MACF1: variants seen among roughly 807,000 people sequenced by gnomAD.
MACF1 encodes the protein microtubule-actin cross-linking factor 1.
A neutral mutation model predicts 854.8 loss-of-function variants in MACF1; 193 were observed. That is an observed-to-expected ratio of 0.23 (90% CI 0.20 to 0.25). MACF1 has a LOEUF of 0.25. Ranked by LOEUF, MACF1 falls within the 10% of genes least tolerant of loss-of-function variation. The pLI is 1.00. For synonymous variants in MACF1, 3,185 were observed against 3,226.7 expected (o/e 0.99, Z 0.44); for missense variants, 7,722 against 8,929.1 (o/e 0.86, Z 5.45).
chr1:39,448,640 C>G lies in MACF1; in HGVS notation c.20135C>G (p.Thr6712Arg), dbSNP rs749481091. ...GGCAAGCAGCCTGTGTATGATACCACAATTAGAACTGGCAGAGCACTGAAA... is the reference window on the plus strand; with the variant it reads ...GGCAAGCAGCCTGTGTATGATACCAGAATTAGAACTGGCAGAGCACTGAAA... Reference protein sequence around the residue: ...LGGKQPVYDTTIRTGRALKEK... With the variant: ...LGGKQPVYDTRIRTGRALKEK... Residue 6712 changes from threonine to arginine, a missense_variant, in exon 84 of 101, where the codon ACA becomes AGA. This residue lies in a region of MACF1 where 729 missense variants were observed against 900.5 expected (regional missense o/e 0.81). Transcript: ENST00000564288. 1 of 1,611,696 alleles carries G rather than the reference C, an allele frequency of 6.2e-7. No homozygotes were observed. The highest frequency in any genetic ancestry group is 1.1e-5 in the South Asian group (1 of 90,754).
intron 2 of MACF1, among the ~76,000 whole-genome samples, chr1:39,093,305 C>CTTTT (rs34921076): frequency 7.4e-5 from 4 of 54,172 alleles, no homozygotes; most frequent in Admixed American, 3.2e-4. Context: ...TACTCCACTT[C>CTTTT]TTTTTTTTTT....
In MACF1 at chr1:39,460,041, CT is replaced by C. The variant is rs1214871464; in HGVS notation, c.21361-590del. ...TTGTCTTGCCCACTGCATAGGCCTG[CT>C]GTTTTCCATCAAGGCCAAATATTTA... On this transcript the variant is annotated intron_variant, in intron 91 of 100. Coordinates refer to ENST00000564288, the MANE Select transcript of MACF1 (RefSeq NM_001394062.1). The surrounding 1 kb of genome is among the most constrained non-coding windows in gnomAD (Gnocchi z 4.1). Among the ~76,000 whole-genome samples, 3 of 152,190 alleles carry C rather than the reference CT, an allele frequency of 2.0e-5. No individual in the cohort carries two copies. The highest frequency in any genetic ancestry group is 2.9e-5 in the Non-Finnish European group (2 of 68,036).
At chr1:39,155,824 A>G (rs1571110424) in intron 2 of MACF1, among the ~76,000 whole-genome samples, 1 of 151,944 alleles carries the variant, frequency 6.6e-6, no homozygotes, top group Non-Finnish European at 1.5e-5. Flanking sequence ...GTTTCAAGCA[A>G]TTCTCCTGCC....
intron 95 of MACF1, 84 bp downstream of exon 95, chr1:39,465,196 G>A (rs890415372): frequency 1.1e-4 from 147 of 1,371,742 alleles, no homozygotes; most frequent in East Asian, 5.0e-4. Flanking sequence ...ATGGGGAGAG[G>A]ATGTAATCTG....
At position 39,432,536 on chromosome 1, in the gene MACF1, A is replaced by G. The variant is rs759526053; in HGVS notation, c.17339A>G (p.Tyr5780Cys). The G allele has an allele frequency of 1.2e-6, 2 of 1,613,998 alleles. No homozygotes were observed. The highest frequency in any genetic ancestry group is 1.7e-5 in the Admixed American group (1 of 59,996). ...ATTTTTCTTTAATACGTCTATTAGT[A>G]TGAGCAAGCTGCCGATGCAGAACTA... ...IDAAIQRSQQ[Y>C]EQAADAELAW... The change falls in exon 67 of 101, where the codon TAT becomes TGT. Residue 5780 changes from tyrosine to cysteine, a missense_variant and splice_region_variant. Transcript: ENST00000564288.
chr1:39,244,567 C>T (rs1042985787), intron 2 of MACF1, among the ~76,000 whole-genome samples: 34 of 151,002 alleles, frequency 2.3e-4, no homozygotes, highest in South Asian at 2.1e-4. Context: ...AGGTGTGAGC[C>T]ACTGCACCCA....
intron 58 of MACF1, among the ~76,000 whole-genome samples, chr1:39,419,306 A>G (rs142809531): frequency 9.2e-5 from 14 of 152,376 alleles, no homozygotes; most frequent in African/African-American, 3.4e-4. Context: ...TAATGCTTCT[A>G]TAGGAAATGT....
At chr1:39,237,169 T>C (rs558182735) in intron 2 of MACF1, among the ~76,000 whole-genome samples, 1 of 152,342 alleles carries the variant, frequency 6.6e-6, no homozygotes, top group African/African-American at 2.4e-5. Flanking sequence ...TCCTTGCTTA[T>C]TTATTTCTCT....
At chr1:39,463,714 T>C (rs1015385798) in intron 94 of MACF1, 28 bp downstream of exon 94, 23 of 1,597,592 alleles carry the variant, frequency 1.4e-5, no homozygotes, top group African/African-American at 9.4e-5. Flanking sequence ...CAGTCCTTTG[T>C]TGTGGTGGTT....
chr1:39,235,843 T>G (rs1290873011), intron 2 of MACF1, among the ~76,000 whole-genome samples: 1 of 152,180 alleles, frequency 6.6e-6, no homozygotes, highest in Non-Finnish European at 1.5e-5. Context: ...CAAGTGATCC[T>G]CCCACCACAG....
chr1:39,211,806 G>A (rs900806133), intron 1 of MACF1, among the ~76,000 whole-genome samples: 3 of 151,890 alleles, frequency 2.0e-5, no homozygotes, highest in African/African-American at 4.8e-5. Flanking sequence ...GCTTGAACCC[G>A]AGAGGCAGAG....
At chr1:39,238,978 G>A (rs886692747) in intron 2 of MACF1, among the ~76,000 whole-genome samples, 1 of 152,076 alleles carries the variant, frequency 6.6e-6, no homozygotes, top group Non-Finnish European at 1.5e-5. Context: ...GTAGACCAAC[G>A]TAAGGACAAA....
chr1:39,234,728 A>C (rs1571205610), intron 2 of MACF1, among the ~76,000 whole-genome samples: 1 of 122,058 alleles, frequency 8.2e-6, no homozygotes, highest in Non-Finnish European at 1.7e-5. Context: ...TGCCGGGCGG[A>C]GGGGCTCCTC....
Position 39,372,501 on chromosome 1 carries a change from G to C in MACF1, c.13118G>C (p.Ser4373Thr). The change falls in exon 52 of 101, where the codon AGT (serine) becomes ACT (threonine). Residue 4373 changes from serine to threonine, a missense_variant. Physicochemically the swap from Ser to Thr is moderately conservative, Grantham distance 58. This residue lies in a region of MACF1 where 2,807 missense variants were observed against 3,235.8 expected (regional missense o/e 0.87). Transcript: ENST00000564288. ...HLKSLLDDWA[S>T]KGTLVEEINC... ...CAGAGTCTACTAGATGACTGGGCAAGTAAGGGAACTCTGGTGGAAGAAATC... is the reference window on the plus strand; with the variant it reads ...CAGAGTCTACTAGATGACTGGGCAACTAAGGGAACTCTGGTGGAAGAAATC... The C allele has an allele frequency of 6.2e-7, 1 of 1,613,134 alleles. No homozygotes were observed. Among genetic ancestry groups the C allele is most frequent in the Non-Finnish European group, 8.5e-7 (1 of 1,179,242 alleles).
chr1:39,284,137 A>G lies in MACF1; in HGVS notation c.987A>G (p.Thr329=), dbSNP rs764891797. 6.2e-7 allele frequency: 1 copy of G among 1,614,078 alleles called. No homozygotes were observed. Among genetic ancestry groups the G allele is most frequent in the Non-Finnish European group, 8.5e-7 (1 of 1,179,978 alleles). The change falls in exon 10 of 101, where the codon ACA becomes ACG. Residue 329 remains threonine, a synonymous_variant. Coordinates refer to ENST00000564288, the MANE Select transcript of MACF1 (RefSeq NM_001394062.1). ...TCATTCCCTGGATCAAACAGCATAC[A>G]ATACTGATGTCAGATAAAACTTTTC... ...DSLIPWIKQH[T]ILMSDKTFPQ...
intron 1 of MACF1, among the ~76,000 whole-genome samples, chr1:39,213,364 C>T (rs1644538435): frequency 6.6e-6 from 1 of 152,026 alleles, no homozygotes; most frequent in African/African-American, 2.4e-5. Context: ...GAGAGTCTCG[C>T]TCTGTGGCCC....
rs1194550147 is a variant in MACF1, at chr1:39,427,565, C to T, written c.16427C>T (p.Pro5476Leu). The T allele has an allele frequency of 1.9e-6, 3 of 1,614,070 alleles. No homozygotes were observed. Among genetic ancestry groups the T allele is most frequent in the Admixed American group, 3.3e-5 (2 of 60,002 alleles). ...VTEKKLANSE[P>L]VGTQTAKIQQ... is the part of the protein sequence containing the mutation. The stretch of plus-strand genomic sequence containing the variant: ...GAGAAAAAGCTTGCTAACTCAGAAC[C>T]TGTTGGCACTCAGACTGCCAAAATA... Residue 5476 changes from proline (P) to leucine (L), a missense_variant, in exon 62 of 101, where the codon CCT becomes CTT. By Grantham distance (98) the Pro-to-Leu change is moderately conservative. This residue lies in a region of MACF1 where 2,807 missense variants were observed against 3,235.8 expected (regional missense o/e 0.87). Coordinates refer to ENST00000564288, the MANE Select transcript of MACF1 (RefSeq NM_001394062.1).
At chr1:39,442,679 C>T (rs745704705) in intron 77 of MACF1, 35 bp from the exon 78 acceptor site, 1 of 1,610,858 alleles carries the variant, frequency 6.2e-7, no homozygotes, top group Non-Finnish European at 8.5e-7. Context: ...AGATGATATC[C>T]ATAGAGATAA....
rs1422975810 is a variant in MACF1, at chr1:39,459,282, A to G, written c.21360+33A>G. On this transcript the variant is annotated intron_variant, in intron 91 of 100. Coordinates refer to ENST00000564288, the MANE Select transcript of MACF1 (RefSeq NM_001394062.1). ...CCTGCTGAGTGGCCTTCCCTGAAAC[A>G]AAGTGCTTTTTTCAATCAAAACACA... 4 of 1,583,044 alleles carry G rather than the reference A, an allele frequency of 2.5e-6. No homozygotes were observed. The African/African-American group carries it at 5.4e-5, about 21-fold the overall frequency.
Sources: gnomAD v4.1 joint callset for allele counts (sites outside exome capture counted in the v4.1 genomes callset) on GRCh38, gnomAD v4.1.1 for gene constraint, gnomAD v4.1.1 regional missense constraint, Gnocchi (gnomAD v3.1) non-coding constraint, MANE v1.5 for transcripts, NCBI Gene and HGNC (gene_info 2026-07-23, HGNC 2026-07-21) for gene names.